The following DSCAM variants were observed in gnomAD, a reference collection of about 807,000 sequenced individuals.
DSCAM encodes cell adhesion molecule DSCAM.
Under a neutral mutation model 217.7 loss-of-function variants are expected in DSCAM, and 47 were observed. The observed-to-expected ratio is 0.22, with a 90% confidence interval of 0.17 to 0.28. DSCAM has a LOEUF of 0.28. DSCAM is among the 10% of genes least tolerant of loss of function. The pLI is 1.00. For synonymous variants in DSCAM, 1,056 were observed against 1,015.3 expected (o/e 1.04, Z -0.76); for missense variants, 2,080 against 2,618.3 (o/e 0.79, Z 4.49).
At chr21:40,417,443 T>G (rs1348637776) in intron 3 of DSCAM, among the ~76,000 whole-genome samples, 1 of 152,176 alleles carries the variant, frequency 6.6e-6, no homozygotes, top group Non-Finnish European at 1.5e-5. Context: ...TCTTGCAAAT[T>G]GATGGTAAAT....
At chr21:40,512,748 C>T (rs1272714252) in intron 3 of DSCAM, among the ~76,000 whole-genome samples, 4 of 152,012 alleles carry the variant, frequency 2.6e-5, no homozygotes, top group Non-Finnish European at 4.4e-5. Context: ...TGACCTCCCT[C>T]GTTCACACCT....
intron 20 of DSCAM, 32 bp downstream of exon 20, chr21:40,124,163 C>T (rs767350965): frequency 1.2e-6 from 2 of 1,613,116 alleles, no homozygotes; most frequent in East Asian, 2.2e-5. Context: ...CTGGCAGACG[C>T]TTGAAAGGCA....
intron 11 of DSCAM, among the ~76,000 whole-genome samples, chr21:40,206,686 C>CAAA (rs537702443): frequency 7.7e-6 from 1 of 130,672 alleles, no homozygotes; most frequent in African/African-American, 3.1e-5. Context: ...TGGGATTTGC[C>CAAA]AAAAAAAAAA....
chr21:40,779,093 T>A (rs1412125237), intron 1 of DSCAM, among the ~76,000 whole-genome samples: 3 of 135,782 alleles, frequency 2.2e-5, no homozygotes, highest in African/African-American at 8.2e-5. Context: ...GTTTGAATAA[T>A]CCTGCCCATG....
chr21:40,416,415 G>T (rs1025281779), intron 3 of DSCAM, among the ~76,000 whole-genome samples: 1 of 152,216 alleles, frequency 6.6e-6, no homozygotes, highest in South Asian at 2.1e-4. Flanking sequence ...TCTGTGCCTG[G>T]TAAGTTTTTG....
chr21:40,083,822 A>G lies in DSCAM; in HGVS notation c.4231+86T>C. The stretch of plus-strand genomic sequence containing the variant: ...TTTGGGGGAGAATAAAGTAACACAT[A>G]CCAGTCATTTGCTGAAGATGTGTCA... On this transcript the variant is annotated intron_variant, in intron 24 of 32. Coordinates refer to ENST00000400454, the MANE Select transcript of DSCAM (RefSeq NM_001389.5). 2.0e-6 allele frequency: 2 copies of G among 1,025,290 alleles called. 1 individual carries two copies. Among genetic ancestry groups the G allele is most frequent in the South Asian group, 3.1e-5 (2 of 63,916 alleles). 63.5% of individuals were successfully genotyped at this position (1,025,290 alleles called of 1,614,324 possible). A position where few individuals can be genotyped will look rare whatever the true frequency, so the allele number is the denominator to read the frequency against.
At chr21:40,533,508 GCCAT>G (rs759048498) in intron 3 of DSCAM, among the ~76,000 whole-genome samples, 72 of 130,176 alleles carry the variant, frequency 5.5e-4, no homozygotes, top group Non-Finnish European at 1.0e-3. Context: ...CATCCAACCA[GCCAT>G]CCATCCATCC....
At chr21:40,515,514 A>G (rs913306628) in intron 3 of DSCAM, among the ~76,000 whole-genome samples, 9 of 152,248 alleles carry the variant, frequency 5.9e-5, no homozygotes, top group South Asian at 2.1e-4. Flanking sequence ...ACAGTCTTTT[A>G]TACAACCACG....
intron 3 of DSCAM, among the ~76,000 whole-genome samples, chr21:40,651,163 C>T (rs1379115923): frequency 6.6e-6 from 1 of 152,102 alleles, no homozygotes; most frequent in African/African-American, 2.4e-5. Flanking sequence ...CTCATGAGCT[C>T]CAAGCACACA....
chr21:40,575,856 G>A (rs2076845983), intron 3 of DSCAM, among the ~76,000 whole-genome samples: 1 of 151,702 alleles, frequency 6.6e-6, no homozygotes, highest in South Asian at 2.1e-4. Flanking sequence ...TCACTTCCCA[G>A]AAGAAGACAT....
At chr21:40,551,804 C>T (rs1401453798) in intron 3 of DSCAM, among the ~76,000 whole-genome samples, 1 of 152,154 alleles carries the variant, frequency 6.6e-6, no homozygotes, top group African/African-American at 2.4e-5. Flanking sequence ...GTTAATGCTG[C>T]TCAGTCGTGT....
Position 40,124,175 on chromosome 21 carries a change from T to C in DSCAM, c.3696+20A>G. On this transcript the variant is annotated intron_variant, in intron 20 of 32. Transcript: ENST00000400454. ...TCCCTGGCAGACGCTTGAAAGGCACTTGGTTATTTACCAACTTACTGTGGG... is the reference window on the plus strand; with the variant it reads ...TCCCTGGCAGACGCTTGAAAGGCACCTGGTTATTTACCAACTTACTGTGGG... 6.2e-7 allele frequency: 1 copy of C among 1,613,692 alleles called. No individual in the cohort carries two copies. The highest frequency in any genetic ancestry group is 8.5e-7 in the Non-Finnish European group (1 of 1,179,774).
chr21:40,177,123 T>A (rs2090742641), intron 15 of DSCAM, among the ~76,000 whole-genome samples: 1 of 152,248 alleles, frequency 6.6e-6, no homozygotes, highest in Admixed American at 6.5e-5. Flanking sequence ...GGACAGCTTA[T>A]TCTCCCTAAG....
In DSCAM at chr21:40,144,359, C is replaced by A; in HGVS notation, c.3259+132G>T. On this transcript the variant is annotated intron_variant, in intron 17 of 32. Transcript: ENST00000400454. This position sits in a 1 kb window ranked among gnomAD's most constrained non-coding sequence, Gnocchi z 4.8. ...AGGTCACGAGGGAAGGCTTTTCCAC[C>A]CGAGACCCCAGGCCCTGCAGGTCAC... 1 of 1,428,942 alleles carries A rather than the reference C, an allele frequency of 7.0e-7. No individual in the cohort carries two copies. Among genetic ancestry groups the A allele is most frequent in the South Asian group, 1.3e-5 (1 of 74,128 alleles). The allele number at this position is 1,428,942 out of a possible 1,614,324, so 88.5% of individuals were successfully genotyped here.
chr21:40,577,664 G>A (rs1052249717), intron 3 of DSCAM, among the ~76,000 whole-genome samples: 17 of 152,168 alleles, frequency 1.1e-4, no homozygotes, highest in Non-Finnish European at 2.2e-4. Flanking sequence ...TGAAGAAGGG[G>A]GTAGATTTTC....
At chr21:40,504,427 C>G (rs920634617) in intron 3 of DSCAM, among the ~76,000 whole-genome samples, 3 of 152,118 alleles carry the variant, frequency 2.0e-5, no homozygotes, top group African/African-American at 7.2e-5. Flanking sequence ...AGCCCTCCCT[C>G]GGGAGAACAG....
chr21:40,428,853 C>T, intron 3 of DSCAM, among the ~76,000 whole-genome samples: 1 of 152,090 alleles, frequency 6.6e-6, no homozygotes, highest in East Asian at 1.9e-4. Context: ...CACACACACA[C>T]ACACCATTTC....
intron 32 of DSCAM, among the ~76,000 whole-genome samples, chr21:40,039,650 A>G (rs1313323535): frequency 6.6e-6 from 1 of 152,188 alleles, no homozygotes; most frequent in East Asian, 1.9e-4. Context: ...CTTGCATGAT[A>G]ACTACTTGGC....
chr21:40,179,894 G>A (rs1335050037), intron 14 of DSCAM, among the ~76,000 whole-genome samples: 1 of 152,190 alleles, frequency 6.6e-6, no homozygotes, highest in Non-Finnish European at 1.5e-5. Flanking sequence ...GTAGGTGTGT[G>A]GTCGACAGCT....
Sources: gnomAD v4.1 joint callset for allele counts (sites outside exome capture counted in the v4.1 genomes callset) on GRCh38, gnomAD v4.1.1 for gene constraint, Gnocchi (gnomAD v3.1) non-coding constraint, MANE v1.5 for transcripts, NCBI Gene and HGNC (gene_info 2026-07-23, HGNC 2026-07-21) for gene names.